Variants in RNF216 observed in about 807,000 individuals in gnomAD.
RNF216 encodes the protein ring finger protein 216.
In RNF216, 72 loss-of-function variants were observed where a neutral mutation model predicts 110.8. That is an observed-to-expected ratio of 0.65 (90% CI 0.54 to 0.79). The LOEUF (loss-of-function observed/expected upper bound fraction) is 0.79. Among genes scored for constraint, RNF216 ranks in the 30% least tolerant of loss-of-function variants. RNF216 has a pLI of 0.00. For missense variants in RNF216, 1,342 were observed against 1,141.2 expected, an observed-to-expected ratio of 1.18 and a Z score of -2.54; for synonymous variants, 495 against 407.5, an observed-to-expected ratio of 1.21 and a Z score of -2.59.
chr7:5,650,703 T>C (rs927975537), intron 14 of RNF216, among the ~76,000 whole-genome samples: 1 of 152,216 alleles, frequency 6.6e-6, no homozygotes, highest in Non-Finnish European at 1.5e-5. Flanking sequence ...CACGTTTGTT[T>C]GACTCTTCGT....
In RNF216 at chr7:5,741,370, G is replaced by C. The variant is rs370702417; in HGVS notation, c.647C>G (p.Ala216Gly). 6.2e-7 allele frequency: 1 copy of C among 1,614,164 alleles called. No homozygotes were observed. The highest frequency in any genetic ancestry group is 8.5e-7 in the Non-Finnish European group (1 of 1,180,022). ...GATGGCCTGATCATCTGCTAGAGCAGCTGACTCTCCTAGATTTGATAACAG... is the reference window on the plus strand; with the variant it reads ...GATGGCCTGATCATCTGCTAGAGCACCTGACTCTCCTAGATTTGATAACAG... ...TELLSNLGES[A>G]ALADDQAIEE... is the part of the protein sequence containing the mutation. Residue 216 changes from alanine (A) to glycine (G), a missense_variant, in exon 4 of 17, where the codon GCT (alanine) becomes GGT (glycine). By Grantham distance (60) the Ala-to-Gly change is moderately conservative. Transcript: ENST00000389902.
At chr7:5,708,493 T>C (rs1161945595) in intron 13 of RNF216, among the ~76,000 whole-genome samples, 1 of 152,228 alleles carries the variant, frequency 6.6e-6, no homozygotes, top group African/African-American at 2.4e-5. Flanking sequence ...ACACATTCAG[T>C]AGAAACTGTA....
intron 15 of RNF216, among the ~76,000 whole-genome samples, chr7:5,637,755 G>A (rs947899090): frequency 2.0e-5 from 3 of 152,166 alleles, no homozygotes; most frequent in Non-Finnish European, 4.4e-5. Flanking sequence ...TCCAAAGCTG[G>A]TCTTGAACTC....
chr7:5,623,746 A>G (rs1786534945), intron 16 of RNF216, among the ~76,000 whole-genome samples: 1 of 152,146 alleles, frequency 6.6e-6, no homozygotes, highest in East Asian at 1.9e-4. Context: ...ACTGCTTTTC[A>G]GCCTCAGAAG....
chr7:5,627,243 C>G (rs1786767313), intron 15 of RNF216, among the ~76,000 whole-genome samples: 1 of 152,202 alleles, frequency 6.6e-6, no homozygotes, highest in African/African-American at 2.4e-5. Context: ...CAATGGTCCT[C>G]CTGGAGGAAA....
rs1450773984 is a variant in RNF216 at position 5,622,277 on chromosome 7, C to CT, written c.*582dup. 6.5e-6 allele frequency: 1 copy of CT among 152,674 alleles called. No homozygotes were observed. Among genetic ancestry groups the CT allele is most frequent in the Non-Finnish European group, 1.5e-5 (1 of 68,358 alleles). 9.5% of individuals were successfully genotyped at this position (152,674 alleles called of 1,614,324 possible). Reference sequence around the variant, plus strand: ...CGAGATGGGTCTGCTGCTGCCTCATCTGAGTAGGTGTAAGAGGGGAGGAGA... The same window carrying CT: ...CGAGATGGGTCTGCTGCTGCCTCATCTTGAGTAGGTGTAAGAGGGGAGGAGA... On this transcript the variant is annotated 3_prime_UTR_variant, in exon 17 of 17. Coordinates refer to ENST00000389902, the MANE Select transcript of RNF216 (RefSeq NM_207111.4).
intron 14 of RNF216, among the ~76,000 whole-genome samples, chr7:5,651,015 C>T (rs532179516): frequency 2.0e-5 from 3 of 152,264 alleles, no homozygotes; most frequent in Non-Finnish European, 2.9e-5. Flanking sequence ...GCCTTGCCCA[C>T]GTGACAATCT....
chr7:5,623,011 T>C lies in RNF216; in HGVS notation c.2621A>G (p.Asn874Ser). The part of the protein sequence containing the change: ...FPLPPVRPVF[N>S]NFPLNMGPIP... ...AGGCCCCATGTTGAGTGGGAAGTTG[T>C]TGAACACAGGCCGCACGGGAGGCAG... Residue 874 changes from asparagine to serine, a missense_variant, in exon 17 of 17, where the codon AAC becomes AGC. By Grantham distance (46) the Asn-to-Ser change is conservative (BLOSUM62 1). Transcript: ENST00000389902. The C allele has an allele frequency of 6.2e-7, 1 of 1,614,092 alleles. No individual in the cohort carries two copies. The highest frequency in any genetic ancestry group is 8.5e-7 in the Non-Finnish European group (1 of 1,180,012).
At chr7:5,677,623 G>C (rs1409330201) in intron 13 of RNF216, among the ~76,000 whole-genome samples, 1 of 152,068 alleles carries the variant, frequency 6.6e-6, no homozygotes, top group East Asian at 1.9e-4. Context: ...CCTCAGATTG[G>C]AAAGAACTGA....
rs1327413277 is a variant in RNF216 at position 5,624,871 on chromosome 7, G to A, written c.2383-746C>T. Among the ~76,000 whole-genome samples, 2 of 152,238 alleles carry A rather than the reference G, an allele frequency of 1.3e-5. No individual in the cohort carries two copies. The highest frequency in any genetic ancestry group is 6.5e-5 in the Admixed American group (1 of 15,288). On this transcript the variant is annotated intron_variant, in intron 15 of 16. Coordinates refer to ENST00000389902, the MANE Select transcript of RNF216 (RefSeq NM_207111.4). The surrounding 1 kb of genome is among the most constrained non-coding windows in gnomAD (Gnocchi z 4.4). ...CCCAGAGGTTGGGTTTTTGCCACATGCAGCTCCCACACCCCCACCTGCCAG... is the reference window on the plus strand; with the variant it reads ...CCCAGAGGTTGGGTTTTTGCCACATACAGCTCCCACACCCCCACCTGCCAG...
chr7:5,727,680 G>A (rs932237602), intron 7 of RNF216, among the ~76,000 whole-genome samples: 1 of 152,112 alleles, frequency 6.6e-6, no homozygotes, highest in Non-Finnish European at 1.5e-5. Context: ...AATAAGCCAC[G>A]ATTGGGCCAC....
At chr7:5,629,988 G>A (rs961114761) in intron 15 of RNF216, among the ~76,000 whole-genome samples, 4 of 152,124 alleles carry the variant, frequency 2.6e-5, no homozygotes, top group Non-Finnish European at 5.9e-5. Context: ...AAACATTCCA[G>A]GCATATGAGC....
In RNF216 at chr7:5,768,294, GAAA is replaced by G. The variant is rs35195410; in HGVS notation, c.-69-7159_-69-7157del. 6.9e-4 allele frequency among the ~76,000 whole-genome samples: 80 copies of G among 116,710 alleles called. 2 individuals carry two copies. The highest frequency in any genetic ancestry group is 4.8e-3 in the East Asian group (17 of 3,544). The allele number at this position is 116,710 out of a possible 152,430, so 76.6% of individuals were successfully genotyped here. A position where few individuals can be genotyped will look rare whatever the true frequency, so the allele number is the denominator to read the frequency against. Reference sequence around the variant, plus strand: ...AGTGAGATCTTGTCGCTATTAGGGGGAAAAAAAAAAAAAAAGGCTGGGTCCAGT... The same window carrying G: ...AGTGAGATCTTGTCGCTATTAGGGGGAAAAAAAAAAAAGGCTGGGTCCAGT... On this transcript the variant is annotated intron_variant, in intron 1 of 16. Transcript: ENST00000389902.
intron 14 of RNF216, among the ~76,000 whole-genome samples, chr7:5,651,102 C>G (rs1788358460): frequency 6.6e-6 from 1 of 152,176 alleles, no homozygotes; most frequent in South Asian, 2.1e-4. Flanking sequence ...GAAAAGCTGC[C>G]TGCTTGGCAA....
chr7:5,631,117 C>T (rs1298756664), intron 15 of RNF216, among the ~76,000 whole-genome samples: 1 of 152,104 alleles, frequency 6.6e-6, no homozygotes, highest in African/African-American at 2.4e-5. Flanking sequence ...CCTTACAAGA[C>T]GTAACAGGAC....
chr7:5,736,487 C>A (rs1216044911), intron 5 of RNF216, among the ~76,000 whole-genome samples: 1 of 152,220 alleles, frequency 6.6e-6, no homozygotes, highest in Non-Finnish European at 1.5e-5. Context: ...CACCTCCCAG[C>A]CGCCTGCCTT....
At chr7:5,753,118 A>C in intron 2 of RNF216, 139 bp from the exon 3 acceptor site, 1 of 749,734 alleles carries the variant, frequency 1.3e-6, no homozygotes. Flanking sequence ...CAGCCCGTGC[A>C]CTTAAGCATT....
Position 5,622,688 on chromosome 7 carries a change from T to C in RNF216, c.*172A>G. On this transcript the variant is annotated 3_prime_UTR_variant, in exon 17 of 17. Transcript: ENST00000389902. ...TTGGGACGTCTTTATTATGGATCCGTCCACTCTTCCAGGAGCAGTAGCCCT... is the reference window on the plus strand; with the variant it reads ...TTGGGACGTCTTTATTATGGATCCGCCCACTCTTCCAGGAGCAGTAGCCCT... 3.0e-6 allele frequency: 2 copies of C among 660,522 alleles called. No homozygotes were observed. The highest frequency in any genetic ancestry group is 5.2e-6 in the Non-Finnish European group (2 of 386,346). 40.9% of individuals were successfully genotyped at this position (660,522 alleles called of 1,614,324 possible). A position where few individuals can be genotyped will look rare whatever the true frequency, so the allele number is the denominator to read the frequency against.
At chr7:5,695,740 G>C (rs1791585790) in intron 13 of RNF216, among the ~76,000 whole-genome samples, 1 of 152,212 alleles carries the variant, frequency 6.6e-6, no homozygotes, top group African/African-American at 2.4e-5. Context: ...GGCATTCACA[G>C]AGGGAAAAGC....
Sources: gnomAD v4.1 joint callset for allele counts (sites outside exome capture counted in the v4.1 genomes callset) on GRCh38, gnomAD v4.1.1 for gene constraint, Gnocchi (gnomAD v3.1) non-coding constraint, MANE v1.5 for transcripts, NCBI Gene and HGNC (gene_info 2026-07-23, HGNC 2026-07-21) for gene names.